The following RYR3 variants were observed in gnomAD, a reference collection of about 807,000 sequenced individuals.
RYR3 encodes brain ryanodine receptor-calcium release channel.
In RYR3, 207 loss-of-function variants were observed where a neutral mutation model predicts 584.3. The ratio of observed to expected loss-of-function variants is 0.35; its 90% confidence interval spans 0.32 to 0.40. The LOEUF is 0.40. Ranked by LOEUF, RYR3 falls within the 10% of genes least tolerant of loss-of-function variation. RYR3 has a pLI of 1.00. For synonymous variants in RYR3, 2,416 were observed against 2,248.5 expected (o/e 1.07, Z -2.11); for missense variants, 5,616 against 6,089.2 (o/e 0.92, Z 2.59).
intron 50 of RYR3, among the ~76,000 whole-genome samples, chr15:33,739,194 G>A (rs1489203809): frequency 6.6e-6 from 1 of 152,202 alleles, no homozygotes; most frequent in Non-Finnish European, 1.5e-5. Context: ...TTTAAAGGTA[G>A]AAAATGAGTA....
chr15:33,832,050 T>C (rs1215756958), intron 86 of RYR3, among the ~76,000 whole-genome samples: 5 of 152,056 alleles, frequency 3.3e-5, no homozygotes, highest in South Asian at 2.1e-4. Flanking sequence ...TCCTGGCACT[T>C]TGGGAGGCTG....
At chr15:33,758,590 T>C (rs2072104251) in intron 60 of RYR3, among the ~76,000 whole-genome samples, 2 of 152,226 alleles carry the variant, frequency 1.3e-5, no homozygotes, top group Admixed American at 6.5e-5. Context: ...AGACTGCCTT[T>C]CTACATTCCT....
chr15:33,855,412 C>T (rs2079549319), intron 98 of RYR3, among the ~76,000 whole-genome samples: 1 of 152,182 alleles, frequency 6.6e-6, no homozygotes, highest in African/African-American at 2.4e-5. Context: ...CCATGTTGGC[C>T]AGGCTGGTCT....
chr15:33,542,951 A>G (rs896847752), intron 7 of RYR3, among the ~76,000 whole-genome samples: 2 of 152,082 alleles, frequency 1.3e-5, no homozygotes, highest in Non-Finnish European at 2.9e-5. Context: ...TTTGAAGTTC[A>G]TTGTTTCCTT....
intron 28 of RYR3, among the ~76,000 whole-genome samples, chr15:33,646,106 G>A (rs2062088379): frequency 6.6e-6 from 1 of 152,124 alleles, no homozygotes; most frequent in Non-Finnish European, 1.5e-5. Context: ...TCCACCCTTG[G>A]CCTTACAGAG....
rs778675868 is a variant in RYR3 at position 33,533,340 on chromosome 15, CCAGA to C, written c.391_394del (p.Asp131AsnfsTer6). 1.2e-6 allele frequency: 2 copies of C among 1,608,166 alleles called. No individual in the cohort carries two copies. The highest frequency in any genetic ancestry group is 1.7e-6 in the Non-Finnish European group (2 of 1,177,274). ...TAACATGCTTGACTACATCAAGATC[CCAGA>C]CAGACAAACTTGCCTTTGATGTAGG... On this transcript the variant is annotated frameshift_variant, in exon 5 of 104. Transcript: ENST00000634891. LOFTEE classifies it high-confidence loss of function.
At chr15:33,644,561 G>T (rs765552903) in intron 28 of RYR3, 42 bp downstream of exon 28, 36 of 1,498,766 alleles carry the variant, frequency 2.4e-5, no homozygotes, top group African/African-American at 4.1e-5. Flanking sequence ...GGTCAGGTGG[G>T]CCAAGGCCCT....
chr15:33,381,261 A>G (rs922568954), intron 1 of RYR3, among the ~76,000 whole-genome samples: 17 of 152,124 alleles, frequency 1.1e-4, no homozygotes, highest in African/African-American at 4.1e-4. Flanking sequence ...CCCATATGTT[A>G]CAGATAAAGA....
intron 11 of RYR3, among the ~76,000 whole-genome samples, chr15:33,566,333 C>G (rs1436809367): frequency 6.6e-6 from 1 of 152,152 alleles, no homozygotes; most frequent in Admixed American, 6.5e-5. Flanking sequence ...TGACTTTTCC[C>G]ATTTCCAAGG....
chr15:33,776,695 C>T (rs902222678), intron 64 of RYR3, among the ~76,000 whole-genome samples: 3 of 152,148 alleles, frequency 2.0e-5, no homozygotes, highest in Non-Finnish European at 2.9e-5. Context: ...TCTTTAGTAC[C>T]CTCTGGAATA....
intron 1 of RYR3, among the ~76,000 whole-genome samples, chr15:33,333,130 G>A (rs191904292): frequency 2.0e-5 from 3 of 146,368 alleles, no homozygotes; most frequent in Admixed American, 2.0e-4. Flanking sequence ...TCTGCCAGAT[G>A]TACAAAGAAG....
intron 7 of RYR3, among the ~76,000 whole-genome samples, chr15:33,541,955 T>C (rs2141160621): frequency 6.6e-6 from 1 of 152,232 alleles, no homozygotes; most frequent in South Asian, 2.1e-4. Context: ...CTCAATCTTC[T>C]CCATGTTAAA....
intron 38 of RYR3, among the ~76,000 whole-genome samples, chr15:33,692,190 T>C (rs1393209141): frequency 6.6e-6 from 1 of 152,222 alleles, no homozygotes; most frequent in Non-Finnish European, 1.5e-5. Flanking sequence ...ACTTCTGGAC[T>C]CTGGTATGTT....
In RYR3 at chr15:33,697,883, G is replaced by C; in HGVS notation, c.6136G>C (p.Asp2046His). The C allele has an allele frequency of 6.3e-7, 1 of 1,595,478 alleles. No homozygotes were observed. Among genetic ancestry groups the C allele is most frequent in the Non-Finnish European group, 8.6e-7 (1 of 1,162,994 alleles). The change falls in exon 40 of 104, where the codon GAC (aspartate) becomes CAC (histidine). Residue 2046 changes from aspartate (D) to histidine (H), a missense_variant and splice_region_variant. Physicochemically the swap from Asp to His is moderately conservative, Grantham distance 81 (BLOSUM62 -1). Around this residue, in one of 9 missense-constraint regions of RYR3, gnomAD observed 1,280 missense variants for 1,426.2 expected, o/e 0.90. Transcript: ENST00000634891. ...GACTCTCTCTGATCCTTATCCTAGA[G>C]ACATAATGAACAACAAGGTGTTTTA... The part of the protein sequence containing the change: ...EELLMINGLG[D>H]IMNNKVFYQH...
chr15:33,743,848 AT>A (rs1462389160), intron 52 of RYR3, among the ~76,000 whole-genome samples: 1 of 152,222 alleles, frequency 6.6e-6, no homozygotes, highest in African/African-American at 2.4e-5. Context: ...CAGTACACAA[AT>A]TGAATCATAC....
At chr15:33,698,659 T>C (rs999205862) in intron 40 of RYR3, among the ~76,000 whole-genome samples, 1 of 151,286 alleles carries the variant, frequency 6.6e-6, no homozygotes, top group Non-Finnish European at 1.5e-5. Flanking sequence ...TGGTGCAGTT[T>C]CATCAGTGCT....
At chr15:33,825,562 G>C (rs765372731) in intron 81 of RYR3, 41 bp from the exon 82 acceptor site, 1 of 1,322,248 alleles carries the variant, frequency 7.6e-7, no homozygotes, top group African/African-American at 1.5e-5. Flanking sequence ...CTTTCCCAGC[G>C]TGCGTAGCCC....
At chr15:33,853,394 T>C (rs947411062) in intron 95 of RYR3, among the ~76,000 whole-genome samples, 161 bp from the exon 96 acceptor site, 1 of 152,220 alleles carries the variant, frequency 6.6e-6, no homozygotes, top group Non-Finnish European at 1.5e-5. Flanking sequence ...TCTTCATTGC[T>C]TTTTTCTCTG....
chr15:33,455,241 T>G (rs1044667038), intron 1 of RYR3, among the ~76,000 whole-genome samples: 2 of 152,146 alleles, frequency 1.3e-5, no homozygotes, highest in Non-Finnish European at 2.9e-5. Context: ...AATTATGATG[T>G]GAGTTTTGGA....
Sources: gnomAD v4.1 joint callset for allele counts (sites outside exome capture counted in the v4.1 genomes callset) on GRCh38, gnomAD v4.1.1 for gene constraint, gnomAD v4.1.1 regional missense constraint, MANE v1.5 for transcripts, NCBI Gene and HGNC (gene_info 2026-07-23, HGNC 2026-07-21) for gene names.